Variants in KIRREL3 observed in about 807,000 individuals in gnomAD.
KIRREL3 encodes the protein kin of IRRE-like protein 3.
In KIRREL3, 36 loss-of-function variants were observed where a neutral mutation model predicts 89.7. That is an observed-to-expected ratio of 0.40 (90% CI 0.31 to 0.53). The LOEUF (loss-of-function observed/expected upper bound fraction) is 0.53. KIRREL3 is among the 20% of genes least tolerant of loss of function. The probability of loss-of-function intolerance (pLI) is 0.49; values close to 1 mark genes in which losing one functional copy is unlikely to be tolerated. For synonymous variants in KIRREL3, 445 were observed against 441.4 expected (o/e 1.01, Z -0.10); for missense variants, 864 against 1,056.6 (o/e 0.82, Z 2.53).
At chr11:126,700,839 C>T (rs570115434) in intron 1 of KIRREL3, among the ~76,000 whole-genome samples, 12 of 152,342 alleles carry the variant, frequency 7.9e-5, no homozygotes, top group African/African-American at 2.9e-4. Flanking sequence ...GGCATTCACC[C>T]CCCACACCCT....
chr11:126,886,424 A>T (rs1459056009), intron 1 of KIRREL3, among the ~76,000 whole-genome samples: 1 of 152,238 alleles, frequency 6.6e-6, no homozygotes, highest in African/African-American at 2.4e-5. Context: ...AATATGGCTC[A>T]TTAGACAAGA....
At position 126,787,412 on chromosome 11, in the gene KIRREL3, C is replaced by G. The variant is rs113482348; in HGVS notation, c.55+213043G>C. ...CAAATGCTAAAAACAATATAGTCCA[C>G]CCCACCCAAATCAATATAAACATAT... On this transcript the variant is annotated intron_variant, in intron 1 of 16. Transcript: ENST00000525144. Among the ~76,000 whole-genome samples, 310 of 152,304 alleles carry G rather than the reference C, an allele frequency of 2.0e-3. 1 individual carries two copies. Among genetic ancestry groups the G allele is most frequent in the African/African-American group, 7.0e-3 (292 of 41,570 alleles).
Position 126,800,776 on chromosome 11 carries a change from A to G in KIRREL3, c.55+199679T>C, listed in dbSNP as rs117671530. ...TGAACTCCAGGCTTTCTGGCTGCACAGAACCATTCAACCCCTGGACAATGA... is the reference window on the plus strand; with the variant it reads ...TGAACTCCAGGCTTTCTGGCTGCACGGAACCATTCAACCCCTGGACAATGA... On this transcript the variant is annotated intron_variant, in intron 1 of 16. Transcript: ENST00000525144. Among the ~76,000 whole-genome samples the G allele has an allele frequency of 4.3e-4, 65 of 152,304 alleles. 1 individual carries two copies. In the East Asian group the frequency reaches 9.5e-3, roughly 22 times the overall value.
rs954103387 is a variant in KIRREL3 at position 126,946,221 on chromosome 11, C to T, written c.55+54234G>A. ...TTCAGTTTTTCCCCTTAAAATGACCCTAAATCCCTTAAAACTGCAAAATGA... is the reference window on the plus strand; with the variant it reads ...TTCAGTTTTTCCCCTTAAAATGACCTTAAATCCCTTAAAACTGCAAAATGA... On this transcript the variant is annotated intron_variant, in intron 1 of 16. Coordinates refer to ENST00000525144, the MANE Select transcript of KIRREL3 (RefSeq NM_032531.4). This position sits in a 1 kb window ranked among gnomAD's most constrained non-coding sequence, Gnocchi z 4.1. 5.9e-5 allele frequency among the ~76,000 whole-genome samples: 9 copies of T among 152,162 alleles called. No individual in the cohort carries two copies. The highest frequency in any genetic ancestry group is 1.0e-4 in the Non-Finnish European group (7 of 68,038).
intron 1 of KIRREL3, among the ~76,000 whole-genome samples, chr11:126,939,254 C>A (rs975257912): frequency 2.6e-5 from 4 of 152,192 alleles, no homozygotes; most frequent in African/African-American, 9.6e-5. Context: ...CTGAGATGGG[C>A]AACATCATCT....
Position 126,570,750 on chromosome 11 carries a change from G to A in KIRREL3, c.56-7838C>T, listed in dbSNP as rs1038840635. Among the ~76,000 whole-genome samples the A allele has an allele frequency of 6.6e-6, 1 of 152,186 alleles. No individual in the cohort carries two copies. ...AGCAACTCCTCACCACCAGCTGTGGGGTCTAGAATTATCTGTGCTGCTATG... is the reference window on the plus strand; with the variant it reads ...AGCAACTCCTCACCACCAGCTGTGGAGTCTAGAATTATCTGTGCTGCTATG... On this transcript the variant is annotated intron_variant, in intron 1 of 16. Transcript: ENST00000525144. The surrounding 1 kb of genome is among the most constrained non-coding windows in gnomAD (Gnocchi z 6.1).
chr11:126,984,563 C>A (rs1247711543), intron 1 of KIRREL3, among the ~76,000 whole-genome samples: 1 of 152,174 alleles, frequency 6.6e-6, no homozygotes, highest in Middle Eastern at 3.2e-3. Context: ...TAAGTCCTTA[C>A]TATAATGGAG....
chr11:126,633,293 C>T (rs506341), intron 1 of KIRREL3, among the ~76,000 whole-genome samples: 116 of 152,126 alleles, frequency 7.6e-4, no homozygotes, highest in Non-Finnish European at 1.4e-3. Flanking sequence ...CCATGGCACA[C>T]GTATCCCTAT....
At position 126,797,584 on chromosome 11, in the gene KIRREL3, CA is replaced by C. The variant is rs1251453249; in HGVS notation, c.55+202870del. On this transcript the variant is annotated intron_variant, in intron 1 of 16. Transcript: ENST00000525144. This position sits in a 1 kb window ranked among gnomAD's most constrained non-coding sequence, Gnocchi z 4.9. ...AGTGGCTTACCATGGCACTTAGTCC[CA>C]ATCTACTCCACAGCCTGTGACAGCT... Among the ~76,000 whole-genome samples the C allele has an allele frequency of 1.3e-5, 2 of 152,108 alleles. No homozygotes were observed. Among genetic ancestry groups the C allele is most frequent in the Non-Finnish European group, 2.9e-5 (2 of 68,020 alleles).
Position 126,526,479 on chromosome 11 carries a change from A to G in KIRREL3, c.283+59T>C. The G allele has an allele frequency of 6.5e-7, 1 of 1,532,642 alleles. No homozygotes were observed. Among genetic ancestry groups the G allele is most frequent in the African/African-American group, 1.4e-5 (1 of 73,368 alleles). 94.9% of individuals were successfully genotyped at this position (1,532,642 alleles called of 1,614,324 possible). A position where few individuals can be genotyped will look rare whatever the true frequency, so the allele number is the denominator to read the frequency against. Reference sequence around the variant, plus strand: ...AGATGGGTGCTCCCTAGGAAGGTGGATGGGTGAGTAAGGAAGTGATGGCCC... The same window carrying G: ...AGATGGGTGCTCCCTAGGAAGGTGGGTGGGTGAGTAAGGAAGTGATGGCCC... On this transcript the variant is annotated intron_variant, in intron 3 of 16. Coordinates refer to ENST00000525144, the MANE Select transcript of KIRREL3 (RefSeq NM_032531.4). The surrounding 1 kb of genome is among the most constrained non-coding windows in gnomAD (Gnocchi z 5.7).
At chr11:126,602,691 C>T (rs902532652) in intron 1 of KIRREL3, among the ~76,000 whole-genome samples, 16 of 152,202 alleles carry the variant, frequency 1.1e-4, no homozygotes, top group Admixed American at 1.0e-3. Context: ...TGTGGATCCG[C>T]ATCACCTGGG....
At chr11:126,591,154 T>G (rs1423988645) in intron 1 of KIRREL3, among the ~76,000 whole-genome samples, 1 of 152,022 alleles carries the variant, frequency 6.6e-6, no homozygotes, top group Non-Finnish European at 1.5e-5. Context: ...TGAGCCCGGG[T>G]GGAGGAGGTT....
upstream of KIRREL3, among the ~76,000 whole-genome samples, chr11:127,001,537 G>C (rs985062747): frequency 2.1e-4 from 32 of 152,224 alleles, no homozygotes; most frequent in Admixed American, 1.7e-3. Flanking sequence ...ATCACTCTGA[G>C]CCTGTCTTTT....
intron 1 of KIRREL3, among the ~76,000 whole-genome samples, chr11:126,597,401 G>T (rs768573634): frequency 5.3e-5 from 8 of 152,360 alleles, no homozygotes; most frequent in Admixed American, 5.2e-4. Flanking sequence ...TTAAGTCCCC[G>T]TGGTCTTTTA....
At chr11:126,829,662 C>T (rs560285744) in intron 1 of KIRREL3, among the ~76,000 whole-genome samples, 1 of 152,260 alleles carries the variant, frequency 6.6e-6, no homozygotes, top group African/African-American at 2.4e-5. Flanking sequence ...TTAGTGAGAA[C>T]CTACTGGGTG....
At chr11:126,721,678 T>C (rs557827371) in intron 1 of KIRREL3, among the ~76,000 whole-genome samples, 1 of 152,162 alleles carries the variant, frequency 6.6e-6, no homozygotes, top group African/African-American at 2.4e-5. Flanking sequence ...CAAGGCTTCA[T>C]TTTGGATTTG....
At chr11:126,497,305 CGAGA>C (rs1204178347) in intron 4 of KIRREL3, among the ~76,000 whole-genome samples, 5 of 151,406 alleles carry the variant, frequency 3.3e-5, no homozygotes, top group East Asian at 1.9e-4. Flanking sequence ...AGAGAGAGAG[CGAGA>C]GAGAGTAAGA....
At chr11:126,494,835 C>T (rs963157616) in intron 4 of KIRREL3, among the ~76,000 whole-genome samples, 1 of 152,202 alleles carries the variant, frequency 6.6e-6, no homozygotes, top group African/African-American at 2.4e-5. Context: ...CTCCCGAGGC[C>T]CACAGACAGA....
In KIRREL3 at chr11:126,528,695, C is replaced by A. The variant is rs1958842822; in HGVS notation, c.134-2008G>T. On this transcript the variant is annotated intron_variant, in intron 2 of 16. Coordinates refer to ENST00000525144, the MANE Select transcript of KIRREL3 (RefSeq NM_032531.4). This position sits in a 1 kb window ranked among gnomAD's most constrained non-coding sequence, Gnocchi z 4.6. ...TGTTGTAATTAGACTGTTTCTGGCACCAAAACAGGGTAGAAAAGGAGGGAA... is the reference window on the plus strand; with the variant it reads ...TGTTGTAATTAGACTGTTTCTGGCAACAAAACAGGGTAGAAAAGGAGGGAA... 6.6e-6 allele frequency among the ~76,000 whole-genome samples: 1 copy of A among 150,686 alleles called. No individual in the cohort carries two copies. The highest frequency in any genetic ancestry group is 6.6e-5 in the Admixed American group (1 of 15,136).
Sources: allele counts gnomAD v4.1 joint callset (sites outside exome capture counted in the v4.1 genomes callset), GRCh38; gene constraint gnomAD v4.1.1; non-coding constraint Gnocchi (gnomAD v3.1); transcripts MANE v1.5; gene names NCBI Gene and HGNC (gene_info 2026-07-23, HGNC 2026-07-21).